The following ADGRD1 variants were observed in gnomAD, a reference collection of about 807,000 sequenced individuals.
The protein encoded by ADGRD1 is G-protein coupled receptor 133.
In ADGRD1, 77 loss-of-function variants were observed where a neutral mutation model predicts 113.4. The observed-to-expected ratio is 0.68, with a 90% CI of 0.57 to 0.82. ADGRD1 has a LOEUF of 0.82. Ranked by LOEUF, ADGRD1 falls within the 40% of genes least tolerant of loss-of-function variation. The pLI is 0.00. For synonymous variants in ADGRD1, 474 were observed against 475.0 expected, an observed-to-expected ratio of 1.00 and a Z score of 0.03; for missense variants, 1,036 against 1,139.1, an observed-to-expected ratio of 0.91 and a Z score of 1.30.
intron 19 of ADGRD1, 157 bp from the exon 20 acceptor site, chr12:131,120,690 G>C: frequency 2.7e-6 from 2 of 737,186 alleles, no homozygotes; most frequent in South Asian, 1.5e-5. Flanking sequence ...GATCATCATG[G>C]ATAAAAATAC....
At chr12:131,080,922 G>C (rs1886023915) in intron 14 of ADGRD1, among the ~76,000 whole-genome samples, 1 of 152,166 alleles carries the variant, frequency 6.6e-6, no homozygotes, top group African/African-American at 2.4e-5. Context: ...ACCCGGCCTA[G>C]TTTTATGAAT....
intron 10 of ADGRD1, 146 bp from the exon 11 acceptor site, chr12:131,004,040 T>TTTAG: frequency 1.8e-6 from 1 of 548,588 alleles, no homozygotes; most frequent in South Asian, 2.4e-5. Flanking sequence ...TTTTTTTTTT[T>TTTAG]GAGGCCATGC....
intron 21 of ADGRD1, among the ~76,000 whole-genome samples, 157 bp from the exon 22 acceptor site, chr12:131,135,880 A>C (rs181055846): frequency 6.6e-6 from 1 of 152,170 alleles, no homozygotes; most frequent in African/African-American, 2.4e-5. Context: ...TCCCAGGTAA[A>C]TGCCTCAACC....
chr12:131,088,130 G>A (rs905538529), intron 15 of ADGRD1, among the ~76,000 whole-genome samples: 1 of 152,180 alleles, frequency 6.6e-6, no homozygotes, highest in Non-Finnish European at 1.5e-5. Context: ...GCACCTGTTC[G>A]TTCCTGGAGA....
At chr12:131,009,564 G>A (rs1216116769) in intron 12 of ADGRD1, among the ~76,000 whole-genome samples, 1 of 152,212 alleles carries the variant, frequency 6.6e-6, no homozygotes, top group Non-Finnish European at 1.5e-5. Flanking sequence ...GAGACACGTG[G>A]TAGAGATGGA....
At chr12:130,993,873 C>G (rs1874782833) in intron 8 of ADGRD1, 1 of 155,066 alleles carries the variant, frequency 6.4e-6, no homozygotes, top group South Asian at 2.0e-4. Flanking sequence ...GCCCTTTTCT[C>G]GCCCAGCTGC....
intron 19 of ADGRD1, among the ~76,000 whole-genome samples, chr12:131,119,095 G>A (rs1041142400): frequency 2.7e-4 from 41 of 152,166 alleles, no homozygotes; most frequent in Non-Finnish European, 6.0e-4. Flanking sequence ...ACAAGTAAAA[G>A]AGCTTTCACT....
At chr12:131,014,449 C>G in intron 13 of ADGRD1, 109 bp downstream of exon 13, 2 of 1,031,248 alleles carry the variant, frequency 1.9e-6, no homozygotes, top group Non-Finnish European at 2.8e-6. Context: ...GCCTTGGTGC[C>G]GGCCCGAACT....
chr12:131,023,083 C>G (rs542176545), intron 13 of ADGRD1: 1 of 152,326 alleles, frequency 6.6e-6, no homozygotes, highest in South Asian at 2.1e-4. Context: ...GCTGCACACA[C>G]AGGTTCAGAA....
chr12:130,963,332 AAAAAAAAAAAG>A (rs1870616715), intron 2 of ADGRD1, among the ~76,000 whole-genome samples: 1 of 151,330 alleles, frequency 6.6e-6, no homozygotes, highest in Admixed American at 6.6e-5. Flanking sequence ...AAAAAAAAAA[AAAAAAAAAAAG>A]AAAGAAAAAT....
At chr12:131,108,939 T>C in intron 18 of ADGRD1, 62 bp downstream of exon 18, 3 of 662,872 alleles carry the variant, frequency 4.5e-6, no homozygotes, top group Admixed American at 3.5e-5. Flanking sequence ...CAGGTGGGGA[T>C]GGGGCAGGTA....
Position 130,966,363 on chromosome 12 carries a change from C to A in ADGRD1, c.104-100C>A. ...CAGTATCTCCCACAGACATGGGATC[C>A]TTTTACTCTTCCCCCATAATGTGTG... On this transcript the variant is annotated intron_variant, in intron 2 of 24. Transcript: ENST00000261654. The surrounding 1 kb of genome is among the most constrained non-coding windows in gnomAD (Gnocchi z 4.6). 1 of 740,046 alleles carries A rather than the reference C, an allele frequency of 1.4e-6. No individual in the cohort carries two copies. Among genetic ancestry groups the A allele is most frequent in the Non-Finnish European group, 2.4e-6 (1 of 408,980 alleles). 45.8% of individuals were successfully genotyped at this position (740,046 alleles called of 1,614,324 possible).
At position 130,984,227 on chromosome 12, in the gene ADGRD1, A is replaced by G. The variant is rs903141256; in HGVS notation, c.490+2164A>G. ...GTTATGATTTTATTTTAAAATTAAG[A>G]TTTTCCAATTTCTTTTGGAAATAAA... On this transcript the variant is annotated intron_variant, in intron 5 of 24. Transcript: ENST00000261654. This position sits in a 1 kb window ranked among gnomAD's most constrained non-coding sequence, Gnocchi z 4.1. Among the ~76,000 whole-genome samples, 1 of 152,198 alleles carries G rather than the reference A, an allele frequency of 6.6e-6. No homozygotes were observed. Among genetic ancestry groups the G allele is most frequent in the African/African-American group, 2.4e-5 (1 of 41,448 alleles).
chr12:131,011,253 C>G (rs1877850150), intron 12 of ADGRD1, among the ~76,000 whole-genome samples: 1 of 150,506 alleles, frequency 6.6e-6, no homozygotes, highest in Non-Finnish European at 1.5e-5. Context: ...GGCGTCTGGC[C>G]CCATTCTCAT....
At chr12:131,087,646 T>C (rs959711887) in intron 15 of ADGRD1, among the ~76,000 whole-genome samples, 1 of 152,152 alleles carries the variant, frequency 6.6e-6, no homozygotes, top group Non-Finnish European at 1.5e-5. Flanking sequence ...ACCCGCCAGA[T>C]AATCCCGAGG....
intron 8 of ADGRD1, among the ~76,000 whole-genome samples, chr12:130,994,541 A>G (rs1874964737): frequency 6.6e-6 from 1 of 152,216 alleles, no homozygotes; most frequent in Non-Finnish European, 1.5e-5. Flanking sequence ...GGTACCCTGC[A>G]GCATCCTCAG....
chr12:131,003,118 G>T lies in ADGRD1; in HGVS notation c.1027-67G>T. 8.0e-7 allele frequency: 1 copy of T among 1,244,762 alleles called. No individual in the cohort carries two copies. 77.1% of individuals were successfully genotyped at this position (1,244,762 alleles called of 1,614,324 possible). A position where few individuals can be genotyped will look rare whatever the true frequency, so the allele number is the denominator to read the frequency against. ...GGAAACTTGATTTTGTGTGCCTGGT[G>T]CACCTGCCTGGTGCCCTGGCTGAGT... On this transcript the variant is annotated intron_variant, in intron 9 of 24. Transcript: ENST00000261654. The surrounding 1 kb of genome is among the most constrained non-coding windows in gnomAD (Gnocchi z 4.8).
intron 13 of ADGRD1, among the ~76,000 whole-genome samples, chr12:131,049,550 C>A (rs970642217): frequency 6.6e-6 from 1 of 152,198 alleles, no homozygotes; most frequent in East Asian, 1.9e-4. Context: ...AGTGCTCATC[C>A]GTGCACCACC....
chr12:131,015,600 C>CTGGAGTTGGAGATGGAGA (rs71095327), intron 13 of ADGRD1, among the ~76,000 whole-genome samples: 73,516 of 141,756 alleles, frequency 0.52, 21,201 homozygotes, highest in East Asian at 0.77. Flanking sequence ...GGAGAGGGGA[C>CTGGAGTTGGAGATGGAGA]TGGAGTTGGA....
Sources: allele counts gnomAD v4.1 joint callset (sites outside exome capture counted in the v4.1 genomes callset), GRCh38; gene constraint gnomAD v4.1.1; non-coding constraint Gnocchi (gnomAD v3.1); transcripts MANE v1.5; gene names NCBI Gene and HGNC (gene_info 2026-07-23, HGNC 2026-07-21).